The following SACM1L variants were observed in gnomAD, a reference collection of about 807,000 sequenced individuals.
SACM1L encodes the protein SAC1 like phosphatidylinositide phosphatase.
Under a neutral mutation model 89.5 loss-of-function variants are expected in SACM1L, and 32 were observed. The ratio of observed to expected loss-of-function variants is 0.36; its 90% confidence interval spans 0.27 to 0.48. The LOEUF (loss-of-function observed/expected upper bound fraction) is 0.48, where lower values mean the gene tolerates loss of function less well. Among genes scored for constraint, SACM1L ranks in the 20% least tolerant of loss-of-function variants. The pLI, the probability that SACM1L is intolerant of heterozygous loss-of-function variation, is 0.99. For missense variants in SACM1L, 543 were observed against 708.5 expected (o/e 0.77, Z 2.65); for synonymous variants, 213 against 232.8 (o/e 0.92, Z 0.77).
At position 45,723,547 on chromosome 3, in the gene SACM1L, T is replaced by C. The variant is rs1027135161; in HGVS notation, c.921+4T>C. 73 of 1,365,006 alleles carry C rather than the reference T, an allele frequency of 5.3e-5. No homozygotes were observed. Among genetic ancestry groups the C allele is most frequent in the Non-Finnish European group, 6.4e-5 (64 of 1,006,734 alleles). 84.6% of individuals were successfully genotyped at this position (1,365,006 alleles called of 1,614,324 possible). On this transcript the variant is annotated splice_donor_region_variant and intron_variant, in intron 11 of 19. Coordinates refer to ENST00000389061, the MANE Select transcript of SACM1L (RefSeq NM_014016.5). Reference sequence around the variant, plus strand: ...AAAACAAGTTATAATCAATCTGGTATGTTTCTTATGTTTCTTGGGGGGAAA... The same window carrying C: ...AAAACAAGTTATAATCAATCTGGTACGTTTCTTATGTTTCTTGGGGGGAAA...
Position 45,743,889 on chromosome 3 carries a change from C to G in SACM1L, c.*220C>G. On this transcript the variant is annotated 3_prime_UTR_variant, in exon 20 of 20. Coordinates refer to ENST00000389061, the MANE Select transcript of SACM1L (RefSeq NM_014016.5). Reference sequence around the variant, plus strand: ...GTTAGATTTATAATTTGAAGCTATTCTGTAATTAAAATATAACCTGAATTC... The same window carrying G: ...GTTAGATTTATAATTTGAAGCTATTGTGTAATTAAAATATAACCTGAATTC... 2.5e-6 allele frequency: 1 copy of G among 392,354 alleles called. No homozygotes were observed. Among genetic ancestry groups the G allele is most frequent in the Non-Finnish European group, 4.5e-6 (1 of 224,220 alleles). The allele number at this position is 392,354 out of a possible 1,614,324, so 24.3% of individuals were successfully genotyped here.
Position 45,723,437 on chromosome 3 carries a change from A to G in SACM1L, c.853-38A>G, listed in dbSNP as rs139249453. ...TTAAATTATATTTATAAATTACATA[A>G]TGTACTCCAGTAAAATATGTAACTT... is the stretch of plus-strand genomic sequence containing the variant. On this transcript the variant is annotated intron_variant, in intron 10 of 19. Coordinates refer to ENST00000389061, the MANE Select transcript of SACM1L (RefSeq NM_014016.5). 703 of 859,236 alleles carry G rather than the reference A, an allele frequency of 8.2e-4. 6 individuals carry two copies. The East Asian group carries it at 0.017, about 21-fold the overall frequency. The allele number at this position is 859,236 out of a possible 1,614,324, so 53.2% of individuals were successfully genotyped here. A position where few individuals can be genotyped will look rare whatever the true frequency, so the allele number is the denominator to read the frequency against.
At chr3:45,724,931 T>C (rs747169413) in intron 11 of SACM1L, among the ~76,000 whole-genome samples, 1 of 152,208 alleles carries the variant, frequency 6.6e-6, no homozygotes, top group Non-Finnish European at 1.5e-5. Context: ...CCCAGCACCA[T>C]TTATAAAAAG....
At chr3:45,710,663 G>A (rs1698505460) in intron 5 of SACM1L, among the ~76,000 whole-genome samples, 1 of 151,978 alleles carries the variant, frequency 6.6e-6, no homozygotes, top group Non-Finnish European at 1.5e-5. Flanking sequence ...AATTTAAAAG[G>A]TCGCTCCATC....
At chr3:45,739,007 C>T in intron 18 of SACM1L, 134 bp downstream of exon 18, 1 of 608,810 alleles carries the variant, frequency 1.6e-6, no homozygotes, top group Non-Finnish European at 2.9e-6. Flanking sequence ...TTAAGTTTTC[C>T]AAAGAGGTCA....
At position 45,743,694 on chromosome 3, in the gene SACM1L, G is replaced by A. The variant is rs372198585; in HGVS notation, c.*25G>A. 6.2e-7 allele frequency: 1 copy of A among 1,605,608 alleles called. No individual in the cohort carries two copies. The highest frequency in any genetic ancestry group is 1.7e-5 in the Admixed American group (1 of 58,946). On this transcript the variant is annotated 3_prime_UTR_variant, in exon 20 of 20. Transcript: ENST00000389061. ...AATTTGTATTTGTGGAAAGCGGCTTGGCTTGGAAGATTCCATTGTGCAGAA... is the reference window on the plus strand; with the variant it reads ...AATTTGTATTTGTGGAAAGCGGCTTAGCTTGGAAGATTCCATTGTGCAGAA...
chr3:45,706,113 A>C (rs1011017047), intron 3 of SACM1L, among the ~76,000 whole-genome samples: 1 of 152,242 alleles, frequency 6.6e-6, no homozygotes, highest in African/African-American at 2.4e-5. Context: ...GTACATGGCA[A>C]AACTTTCAGA....
chr3:45,713,982 AT>A, intron 6 of SACM1L, 63 bp from the exon 7 acceptor site: 1 of 888,516 alleles, frequency 1.1e-6, no homozygotes, highest in Non-Finnish European at 1.7e-6. Context: ...ATGTGTAAAT[AT>A]TTTTATATAA....
intron 2 of SACM1L, among the ~76,000 whole-genome samples, chr3:45,703,905 G>C (rs1698329494): frequency 6.6e-6 from 1 of 152,146 alleles, no homozygotes; most frequent in Non-Finnish European, 1.5e-5. Context: ...AGCTTTAAGA[G>C]TATGGAATTT....
chr3:45,703,196 A>G (rs1385773632), intron 1 of SACM1L, among the ~76,000 whole-genome samples: 1 of 114,046 alleles, frequency 8.8e-6, no homozygotes, highest in Non-Finnish European at 2.1e-5. Context: ...AGATTTGATT[A>G]TGGCATTTTT....
Position 45,713,119 on chromosome 3 carries a change from T to A in SACM1L, c.484-18T>A, listed in dbSNP as rs1698565151. ...GCTTGGCAGGAGATATTTTATTAAA[T>A]TTTAAAACTTCTCTCAGGCAGATCA... is the stretch of plus-strand genomic sequence containing the variant. On this transcript the variant is annotated intron_variant, in intron 5 of 19. Transcript: ENST00000389061. 7 of 1,602,220 alleles carry A rather than the reference T, an allele frequency of 4.4e-6. No homozygotes were observed. Among genetic ancestry groups the A allele is most frequent in the Non-Finnish European group, 6.0e-6 (7 of 1,172,992 alleles).
chr3:45,718,638 A>G (rs557805916), intron 7 of SACM1L, among the ~76,000 whole-genome samples: 4 of 152,038 alleles, frequency 2.6e-5, no homozygotes, highest in South Asian at 2.1e-4. Flanking sequence ...TTTAATATCA[A>G]CTCCCCATAC....
At chr3:45,717,631 T>C (rs899123542) in intron 7 of SACM1L, among the ~76,000 whole-genome samples, 3 of 152,310 alleles carry the variant, frequency 2.0e-5, no homozygotes, top group East Asian at 1.9e-4. Flanking sequence ...AAGTGTTACA[T>C]ATAGAAAATA....
intron 13 of SACM1L, among the ~76,000 whole-genome samples, chr3:45,734,113 A>ATTTTTTT (rs377501431): frequency 1.5e-5 from 2 of 132,110 alleles, no homozygotes; most frequent in Non-Finnish European, 1.6e-5. Flanking sequence ...CCATTTAAGA[A>ATTTTTTT]TTTTTTTTTT....
intron 8 of SACM1L, 108 bp from the exon 9 acceptor site, chr3:45,721,892 C>G: frequency 1.4e-6 from 1 of 690,308 alleles, no homozygotes; most frequent in Non-Finnish European, 2.5e-6. Context: ...GACTTTTCCA[C>G]TAACTTGAAC....
chr3:45,714,003 A>AT, intron 6 of SACM1L, 43 bp from the exon 7 acceptor site: 1 of 1,082,662 alleles, frequency 9.2e-7, no homozygotes, highest in Non-Finnish European at 1.3e-6. Flanking sequence ...ATGCTTATTT[A>AT]TTTTTAAAGT....
intron 3 of SACM1L, among the ~76,000 whole-genome samples, chr3:45,706,435 G>C (rs1698395869): frequency 6.6e-6 from 1 of 152,240 alleles, no homozygotes; most frequent in Non-Finnish European, 1.5e-5. Context: ...TGCCTGCTGG[G>C]AAATGATTAG....
At chr3:45,724,623 T>C (rs1698874611) in intron 11 of SACM1L, among the ~76,000 whole-genome samples, 1 of 152,198 alleles carries the variant, frequency 6.6e-6, no homozygotes, top group Admixed American at 6.5e-5. Flanking sequence ...ATGTCCTTGG[T>C]ATACAAATTG....
chr3:45,727,575 G>A (rs1464473144), intron 11 of SACM1L, among the ~76,000 whole-genome samples: 1 of 152,026 alleles, frequency 6.6e-6, no homozygotes, highest in African/African-American at 2.4e-5. Flanking sequence ...TTGTTCTGTT[G>A]TTGAAAGTAG....
Sources: allele counts gnomAD v4.1 joint callset (sites outside exome capture counted in the v4.1 genomes callset), GRCh38; gene constraint gnomAD v4.1.1; transcripts MANE v1.5; gene names NCBI Gene and HGNC (gene_info 2026-07-23, HGNC 2026-07-21).